XK: variants seen among roughly 807,000 people sequenced by gnomAD.
The protein encoded by XK is endoplasmic reticulum membrane adapter protein XK.
In XK, 2 loss-of-function variants were observed where a neutral mutation model predicts 14.0. That is an observed-to-expected ratio of 0.14 (90% CI 0.06 to 0.45). The LOEUF (loss-of-function observed/expected upper bound fraction) is 0.45, where lower values mean the gene tolerates loss of function less well. XK is among the 20% of genes least tolerant of loss of function. The pLI is 0.98. For synonymous variants in XK, 149 were observed against 147.5 expected (o/e 1.01, Z -0.08); for missense variants, 235 against 341.5 (o/e 0.69, Z 2.46).
chrX:37,714,079 C>G, intron 2 of XK, among the ~76,000 whole-genome samples: 1 of 111,772 alleles, frequency 8.9e-6, no homozygotes, highest in Non-Finnish European at 1.9e-5. Flanking sequence ...AGTTTTTGGA[C>G]ACTTGACCCA....
intron 2 of XK, among the ~76,000 whole-genome samples, chrX:37,722,981 G>A (rs967736463): frequency 8.9e-6 from 1 of 111,945 alleles, no homozygotes; most frequent in Non-Finnish European, 1.9e-5. Flanking sequence ...TCTGGAAAGA[G>A]TTCATTTGGC....
chrX:37,688,704 A>G (rs903449829), intron 1 of XK, among the ~76,000 whole-genome samples: 2 of 111,858 alleles, frequency 1.8e-5, no homozygotes, highest in Non-Finnish European at 3.8e-5. Flanking sequence ...TGGCAATCCA[A>G]TAAATGATAA....
chrX:37,688,099 C>T (rs1927129607), intron 1 of XK, among the ~76,000 whole-genome samples: 2 of 89,664 alleles, frequency 2.2e-5, no homozygotes, highest in Admixed American at 2.8e-4. Flanking sequence ...CTTGCTCTGT[C>T]GCCCAGGCTG....
intron 2 of XK, among the ~76,000 whole-genome samples, chrX:37,712,709 G>A (rs1232793396): frequency 2.7e-5 from 3 of 111,617 alleles, no homozygotes; most frequent in Non-Finnish European, 3.8e-5. Flanking sequence ...TGTTTTGCTC[G>A]TTTGTGCATG....
At chrX:37,697,544 T>G (rs1927326321) in intron 2 of XK, among the ~76,000 whole-genome samples, 1 of 112,284 alleles carries the variant, frequency 8.9e-6, no homozygotes, top group Non-Finnish European at 1.9e-5. Context: ...CTCTCCTCTC[T>G]CTCTGATTCT....
chrX:37,726,642 C>T (rs1556450056), intron 2 of XK, among the ~76,000 whole-genome samples: 1 of 112,092 alleles, frequency 8.9e-6, no homozygotes, highest in African/African-American at 3.2e-5. Flanking sequence ...GAATGTAATA[C>T]CACGTTCCAT....
intron 2 of XK, among the ~76,000 whole-genome samples, chrX:37,712,031 T>G (rs1198613741): frequency 9.0e-6 from 1 of 111,586 alleles, no homozygotes; most frequent in Non-Finnish European, 1.9e-5. Flanking sequence ...GTGGTCACGA[T>G]AGGGTGTTTG....
chrX:37,731,526 GTTT>G lies in XK; in HGVS notation c.*3067_*3069del, dbSNP rs1225876039. 5 of 112,269 alleles carry G rather than the reference GTTT, an allele frequency of 4.5e-5. No homozygotes were observed. The highest frequency in any genetic ancestry group is 1.6e-4 in the African/African-American group (5 of 30,939). 9.3% of individuals were successfully genotyped at this position (112,269 alleles called of 1,213,427 possible). A position where few individuals can be genotyped will look rare whatever the true frequency, so the allele number is the denominator to read the frequency against. On this transcript the variant is annotated 3_prime_UTR_variant, in exon 3 of 3. Coordinates refer to ENST00000378616, the MANE Select transcript of XK (RefSeq NM_021083.4). ...ATAGATGTGAAAATGCTTTGAAAAT[GTTT>G]TTAAGTGCTATGCATATTTATAGAG...
chrX:37,688,916 T>C (rs1331650030), intron 1 of XK, among the ~76,000 whole-genome samples: 1 of 111,907 alleles, frequency 8.9e-6, no homozygotes, highest in Non-Finnish European at 1.9e-5. Context: ...AACTATATAA[T>C]AAAACAATTA....
chrX:37,707,250 C>T (rs1203909413), intron 2 of XK, among the ~76,000 whole-genome samples: 5 of 108,698 alleles, frequency 4.6e-5, no homozygotes, highest in African/African-American at 1.0e-4. Context: ...GGCGGCTGGC[C>T]GGGCGGGGGC....
At position 37,728,781 on chromosome X, in the gene XK, A is replaced by G; in HGVS notation, c.*319A>G. 1 of 262,276 alleles carries G rather than the reference A, an allele frequency of 3.8e-6. No homozygotes were observed. Among genetic ancestry groups the G allele is most frequent in the Non-Finnish European group, 6.8e-6 (1 of 145,996 alleles). The allele number at this position is 262,276 out of a possible 1,213,427, so 21.6% of individuals were successfully genotyped here. Reference sequence around the variant, plus strand: ...GTACTGGTTAGATTCATTAGGTTGAATGAGGAGAGGGGCTTACCTGTTCTC... The same window carrying G: ...GTACTGGTTAGATTCATTAGGTTGAGTGAGGAGAGGGGCTTACCTGTTCTC... On this transcript the variant is annotated 3_prime_UTR_variant, in exon 3 of 3. Transcript: ENST00000378616.
chrX:37,715,163 C>T (rs1351383229), intron 2 of XK, among the ~76,000 whole-genome samples: 1 of 107,847 alleles, frequency 9.3e-6, no homozygotes, highest in Non-Finnish European at 1.9e-5. Flanking sequence ...TATATATAGT[C>T]CTCTTTGCTT....
chrX:37,727,553 G>A (rs1298113446), intron 2 of XK, 83 bp from the exon 3 acceptor site: 73 of 821,167 alleles, frequency 8.9e-5, no homozygotes, highest in South Asian at 6.0e-4. Context: ...CAAGGAATGC[G>A]GGTGGGGTGC....
Position 37,728,329 on chromosome X carries a change from A to G in XK, c.1202A>G (p.Gln401Arg). ...WLRCFCWACRQQKPCEPIGKE... is the reference protein window; with the variant it reads ...WLRCFCWACRRQKPCEPIGKE... ...AGGTGTTTTTGCTGGGCCTGCAGGC[A>G]GCAAAAACCCTGTGAGCCGATAGGA... Residue 401 changes from glutamine to arginine, a missense_variant, in exon 3 of 3, where the codon CAG (glutamine) becomes CGG (arginine). By Grantham distance (43) the Gln-to-Arg change is conservative. Transcript: ENST00000378616. 1 of 1,210,984 alleles carries G rather than the reference A, an allele frequency of 8.3e-7. No homozygotes were observed. Among genetic ancestry groups the G allele is most frequent in the Non-Finnish European group, 1.1e-6 (1 of 895,377 alleles).
intron 2 of XK, among the ~76,000 whole-genome samples, chrX:37,721,166 A>G (rs1927863198): frequency 9.0e-6 from 1 of 111,175 alleles, no homozygotes; most frequent in Non-Finnish European, 1.9e-5. Flanking sequence ...CATCCTTGCC[A>G]ACATCTGTTA....
intron 1 of XK, among the ~76,000 whole-genome samples, chrX:37,693,946 G>A (rs1433085116): frequency 8.9e-6 from 1 of 112,460 alleles, no homozygotes; most frequent in Non-Finnish European, 1.9e-5. Flanking sequence ...CTCGGCTATG[G>A]CTACACAGCT....
chrX:37,728,227 T>G lies in XK; in HGVS notation c.1100T>G (p.Leu367Arg). The change falls in exon 3 of 3, where the codon CTT becomes CGT. Residue 367 changes from leucine to arginine, a missense_variant. Transcript: ENST00000378616. ...TACTGCACAGCCATTCTCTTCATGCTTGTATTCTATCAGTTCTTCCACCCT... is the reference window on the plus strand; with the variant it reads ...TACTGCACAGCCATTCTCTTCATGCGTGTATTCTATCAGTTCTTCCACCCT... ...IGYCTAILFM[L>R]VFYQFFHPCK... The G allele has an allele frequency of 8.3e-7, 1 of 1,211,536 alleles. No individual in the cohort carries two copies. The highest frequency in any genetic ancestry group is 1.1e-6 in the Non-Finnish European group (1 of 895,415).
rs185142713 is a variant in XK, at chrX:37,705,220, C to T, written c.508+10672C>T. On this transcript the variant is annotated intron_variant, in intron 2 of 2. Coordinates refer to ENST00000378616, the MANE Select transcript of XK (RefSeq NM_021083.4). Reference sequence around the variant, plus strand: ...CAGCACTTTGGGGGGCCAAGGCGGGCGGATCACGAGGTCAGGAGATCAAGA... The same window carrying T: ...CAGCACTTTGGGGGGCCAAGGCGGGTGGATCACGAGGTCAGGAGATCAAGA... Among the ~76,000 whole-genome samples, 68 of 109,734 alleles carry T rather than the reference C, an allele frequency of 6.2e-4. 2 individuals carry two copies. Among genetic ancestry groups the T allele is most frequent in the Middle Eastern group, 4.7e-3 (1 of 215 alleles).
At position 37,686,161 on chromosome X, in the gene XK, C is replaced by T; in HGVS notation, c.200C>T (p.Pro67Leu). The stretch of plus-strand genomic sequence containing the variant: ...CACCGCGACCTCAGCCGCGACCGCC[C>T]GCTCGTACTGCTGCTGCACCTGCTG... ...FVHRDLSRDR[P>L]LVLLLHLLQL... The change falls in exon 1 of 3, where the codon CCG becomes CTG. Residue 67 changes from proline (P) to leucine (L), a missense_variant. By Grantham distance (98) the Pro-to-Leu change is moderately conservative. Coordinates refer to ENST00000378616, the MANE Select transcript of XK (RefSeq NM_021083.4). 1 of 1,207,991 alleles carries T rather than the reference C, an allele frequency of 8.3e-7. No homozygotes were observed. The highest frequency in any genetic ancestry group is 3.0e-5 in the East Asian group (1 of 33,719).
Sources: gnomAD v4.1 joint callset for allele counts (sites outside exome capture counted in the v4.1 genomes callset) on GRCh38, gnomAD v4.1.1 for gene constraint, MANE v1.5 for transcripts, NCBI Gene and HGNC (gene_info 2026-07-23, HGNC 2026-07-21) for gene names.